The following IRF2 variants were observed in gnomAD, a reference collection of about 807,000 sequenced individuals.
IRF2 encodes interferon regulatory factor 2.
A neutral mutation model predicts 40.6 loss-of-function variants in IRF2; 15 were observed. The ratio of observed to expected loss-of-function variants is 0.37; its 90% CI spans 0.25 to 0.57. IRF2 has a LOEUF of 0.57. Among genes scored for constraint, IRF2 ranks in the 20% least tolerant of loss-of-function variants. The pLI, the probability that IRF2 is intolerant of heterozygous loss-of-function variation, is 0.77. For missense variants in IRF2, 317 were observed against 455.7 expected (o/e 0.70, Z 2.77); for synonymous variants, 151 against 165.5 (o/e 0.91, Z 0.67).
At chr4:184,457,553 C>T (rs990662803) in intron 1 of IRF2, among the ~76,000 whole-genome samples, 12 of 152,188 alleles carry the variant, frequency 7.9e-5, no homozygotes, top group African/African-American at 2.9e-4. Flanking sequence ...ACTATAATCA[C>T]TCTCTTTACA....
chr4:184,416,243 G>T (rs951719900), intron 5 of IRF2, among the ~76,000 whole-genome samples: 9 of 151,278 alleles, frequency 5.9e-5, no homozygotes, highest in Admixed American at 5.9e-4. Context: ...ACCTGAGCCC[G>T]GGAGGTTGGG....
chr4:184,457,204 T>C (rs1012064123), intron 1 of IRF2, among the ~76,000 whole-genome samples: 14 of 152,258 alleles, frequency 9.2e-5, no homozygotes, highest in East Asian at 1.9e-4. Flanking sequence ...TCTGTTGACC[T>C]TGACAGAGGG....
At chr4:184,394,263 G>A (rs956903918) in intron 7 of IRF2, among the ~76,000 whole-genome samples, 1 of 152,154 alleles carries the variant, frequency 6.6e-6, no homozygotes, top group Admixed American at 6.5e-5. Flanking sequence ...AGCTCTTCCA[G>A]TTCTAGGGTG....
intron 8 of IRF2, among the ~76,000 whole-genome samples, chr4:184,390,374 A>G (rs1304492971): frequency 6.6e-6 from 1 of 152,116 alleles, no homozygotes; most frequent in African/African-American, 2.4e-5. Flanking sequence ...AGGCTGCTCT[A>G]TTTTTGCCGG....
At position 184,464,030 on chromosome 4, in the gene IRF2, G is replaced by A. The variant is rs563377358; in HGVS notation, c.-7+10349C>T. ...CGAAGATAGGGAATGCATATGATGC[G>A]AAGATAGGGACCGTTTATGACATGA... On this transcript the variant is annotated intron_variant, in intron 1 of 8. Transcript: ENST00000393593. Among the ~76,000 whole-genome samples the A allele has an allele frequency of 3.2e-4, 48 of 152,278 alleles. 1 individual carries two copies. The South Asian group carries it at 9.1e-3, about 29-fold the overall frequency.
rs553555535 is a variant in IRF2, at chr4:184,388,863, G to C, written c.945C>G (p.Ser315=). The change falls in exon 9 of 9, where the codon TCC becomes TCG. Residue 315 remains serine (S), a synonymous_variant. Transcript: ENST00000393593. This position sits in a 1 kb window ranked among gnomAD's most constrained non-coding sequence, Gnocchi z 4.6. ...TGCTGCTGGATGCTGGGGTCATGGAGGAAGAAAGGGGGAGGTCTTGAAAAG... is the reference window on the plus strand; with the variant it reads ...TGCTGCTGGATGCTGGGGTCATGGACGAAGAAAGGGGGAGGTCTTGAAAAG... ...WPPFQDLPLS[S]SMTPASSSSR... The C allele has an allele frequency of 6.2e-7, 1 of 1,614,120 alleles. No individual in the cohort carries two copies. Among genetic ancestry groups the C allele is most frequent in the Admixed American group, 1.7e-5 (1 of 60,024 alleles).
At chr4:184,421,075 C>T (rs960668039) in intron 2 of IRF2, among the ~76,000 whole-genome samples, 3 of 152,162 alleles carry the variant, frequency 2.0e-5, no homozygotes. Flanking sequence ...GCTAGGTATG[C>T]GGATCCCTGC....
Position 184,454,235 on chromosome 4 carries a change from CT to C in IRF2, c.-7+20143del, listed in dbSNP as rs1261445869. 3.9e-5 allele frequency among the ~76,000 whole-genome samples: 6 copies of C among 152,170 alleles called. No individual in the cohort carries two copies. In the South Asian group the frequency reaches 6.2e-4, roughly 16 times the overall value. On this transcript the variant is annotated intron_variant, in intron 1 of 8. Transcript: ENST00000393593. ...TTGAGGATTTCCTTTAAGCTGTCCCCTCTGCCAGGGAGCTCTCCATAAAGGT... is the reference window on the plus strand; with the variant it reads ...TTGAGGATTTCCTTTAAGCTGTCCCCCTGCCAGGGAGCTCTCCATAAAGGT...
intron 6 of IRF2, among the ~76,000 whole-genome samples, chr4:184,406,265 T>A (rs1338228993): frequency 6.7e-6 from 1 of 150,170 alleles, no homozygotes; most frequent in African/African-American, 2.5e-5. Context: ...AGTCTCCCTC[T>A]GTCACCCAGG....
At chr4:184,393,556 G>A (rs1252415147) in intron 7 of IRF2, among the ~76,000 whole-genome samples, 1 of 152,244 alleles carries the variant, frequency 6.6e-6, no homozygotes, top group Non-Finnish European at 1.5e-5. Flanking sequence ...CACCGCCCAT[G>A]AATGTGACCG....
intron 5 of IRF2, among the ~76,000 whole-genome samples, chr4:184,415,503 A>G (rs554643796): frequency 1.3e-5 from 2 of 152,358 alleles, no homozygotes; most frequent in South Asian, 2.1e-4. Flanking sequence ...GGACCACCAC[A>G]TGGCATGAAC....
At chr4:184,428,251 TC>T (rs1737742956) in intron 2 of IRF2, among the ~76,000 whole-genome samples, 1 of 152,172 alleles carries the variant, frequency 6.6e-6, no homozygotes, top group African/African-American at 2.4e-5. Flanking sequence ...AAACAAGCTT[TC>T]TTTAAACAGA....
chr4:184,412,532 T>G (rs1159612381), intron 5 of IRF2, among the ~76,000 whole-genome samples: 1 of 149,970 alleles, frequency 6.7e-6, no homozygotes, highest in East Asian at 2.0e-4. Context: ...ACATCAAATT[T>G]AAGGACATCT....
intron 8 of IRF2, 26 bp downstream of exon 8, chr4:184,390,677 C>T (rs371515913): frequency 2.9e-5 from 47 of 1,613,474 alleles, no homozygotes; most frequent in Non-Finnish European, 3.9e-5. Flanking sequence ...TTGGCAGCAT[C>T]GTGGGCAGGC....
At chr4:184,447,465 A>G (rs1287578851) in intron 1 of IRF2, among the ~76,000 whole-genome samples, 4 of 152,270 alleles carry the variant, frequency 2.6e-5, no homozygotes, top group Admixed American at 1.3e-4. Context: ...AGTAGTACTC[A>G]GCCAAGAAAT....
At chr4:184,397,574 C>T (rs867034343) in intron 7 of IRF2, among the ~76,000 whole-genome samples, 1 of 151,862 alleles carries the variant, frequency 6.6e-6, no homozygotes, top group African/African-American at 2.4e-5. Context: ...TGAGATTAGA[C>T]TTAGTGGCTG....
intron 1 of IRF2, among the ~76,000 whole-genome samples, chr4:184,464,067 G>T (rs569900914): frequency 6.6e-6 from 1 of 152,154 alleles, no homozygotes; most frequent in Non-Finnish European, 1.5e-5. Flanking sequence ...GATAGGGACC[G>T]TATAGGACAT....
intron 2 of IRF2, among the ~76,000 whole-genome samples, chr4:184,428,022 T>C (rs1420287825): frequency 6.6e-6 from 1 of 152,228 alleles, no homozygotes; most frequent in Non-Finnish European, 1.5e-5. Context: ...CTAGATTATA[T>C]AGTTCTAGAA....
chr4:184,398,885 CGCCTCCCGGA>C lies in IRF2; in HGVS notation c.694+20_694+29del. 1.3e-6 allele frequency: 2 copies of C among 1,554,292 alleles called. No individual in the cohort carries two copies. The highest frequency in any genetic ancestry group is 1.7e-6 in the Non-Finnish European group (2 of 1,153,706). ...CAAAGGACTGCGCGGCCGGTTCCCA[CGCCTCCCGGA>C]GCCTCCCGCTGACGCTTACCTGCAT... On this transcript the variant is annotated intron_variant, in intron 7 of 8. Transcript: ENST00000393593.
Sources: gnomAD v4.1 joint callset for allele counts (sites outside exome capture counted in the v4.1 genomes callset) on GRCh38, gnomAD v4.1.1 for gene constraint, Gnocchi (gnomAD v3.1) non-coding constraint, MANE v1.5 for transcripts, NCBI Gene and HGNC (gene_info 2026-07-23, HGNC 2026-07-21) for gene names.